Variants in CYFIP1 observed in about 807,000 individuals in gnomAD.
CYFIP1 encodes cytoplasmic FMR1-interacting protein 1.
Under a neutral mutation model 163.5 loss-of-function variants are expected in CYFIP1, and 58 were observed. That is an observed-to-expected ratio of 0.35 (90% CI 0.29 to 0.44). The LOEUF is 0.44. CYFIP1 is among the 20% of genes least tolerant of loss of function. The pLI is 1.00. For synonymous variants in CYFIP1, 663 were observed against 660.7 expected, an observed-to-expected ratio of 1.00 and a Z score of -0.05; for missense variants, 1,338 against 1,653.8, an observed-to-expected ratio of 0.81 and a Z score of 3.31.
chr15:22,930,671 G>A (rs7171812), intron 11 of CYFIP1, among the ~76,000 whole-genome samples: 69,747 of 151,772 alleles, frequency 0.46, 16,396 homozygotes, highest in Middle Eastern at 0.63. Context: ...AAAACTTTTT[G>A]GTAGAAAAAT....
chr15:22,964,074 T>C (rs1322802218), intron 1 of CYFIP1, among the ~76,000 whole-genome samples: 2 of 152,038 alleles, frequency 1.3e-5, no homozygotes, highest in African/African-American at 4.8e-5. Context: ...ATATATTTAC[T>C]GCATACAATC....
chr15:22,951,921 A>G (rs1394820022), intron 1 of CYFIP1, among the ~76,000 whole-genome samples: 3 of 115,182 alleles, frequency 2.6e-5, no homozygotes, highest in African/African-American at 6.4e-5. Flanking sequence ...GAACCCACGG[A>G]AAAACACCAG....
intron 10 of CYFIP1, 69 bp from the exon 11 acceptor site, chr15:22,932,409 G>A: frequency 9.1e-7 from 1 of 1,094,050 alleles, no homozygotes; most frequent in East Asian, 2.9e-5. Flanking sequence ...GGGCAGCTCA[G>A]GACGCCTGTT....
intron 8 of CYFIP1, among the ~76,000 whole-genome samples, chr15:22,938,579 T>C (rs181796172): frequency 1.3e-4 from 19 of 151,774 alleles, no homozygotes; most frequent in African/African-American, 3.9e-4. Flanking sequence ...CACTGGAGCC[T>C]GGGTGAAAGA....
intron 17 of CYFIP1, among the ~76,000 whole-genome samples, chr15:22,913,700 G>A (rs551778599): frequency 1.1e-4 from 16 of 149,944 alleles, no homozygotes; most frequent in Non-Finnish European, 2.1e-4. Context: ...TTGAAGGCCC[G>A]TCTCCCACTA....
chr15:22,872,999 G>A lies in CYFIP1; in HGVS notation c.3450-27C>T, dbSNP rs772058574. On this transcript the variant is annotated intron_variant, in intron 29 of 30. Transcript: ENST00000617928. ...TAGGAACAAGAAGCAGAAACAGAAT[G>A]GGAGATGAGTGATACGTTATGAAGT... 1.9e-6 allele frequency: 3 copies of A among 1,611,456 alleles called. No homozygotes were observed. The South Asian group carries it at 3.3e-5, about 18-fold the overall frequency.
rs1225447183 is a variant in CYFIP1 at position 22,934,452 on chromosome 15, T to C, written c.901-559A>G. 2.1e-5 allele frequency among the ~76,000 whole-genome samples: 3 copies of C among 143,948 alleles called. No homozygotes were observed. In the East Asian group the frequency reaches 6.3e-4, roughly 30 times the overall value. 94.4% of individuals were successfully genotyped at this position (143,948 alleles called of 152,430 possible). On this transcript the variant is annotated intron_variant, in intron 9 of 30. Coordinates refer to ENST00000617928, the MANE Select transcript of CYFIP1 (RefSeq NM_014608.6). ...TACCCACCTCAGCCTCCCAAAGTGC[T>C]GGGATTACAGGCGTGAACCACCGCA...
intron 22 of CYFIP1, among the ~76,000 whole-genome samples, chr15:22,899,122 GC>G (rs1248655487): frequency 5.3e-5 from 8 of 152,124 alleles, no homozygotes; most frequent in African/African-American, 1.9e-4. Context: ...ACAGGTGTGA[GC>G]CACTGCACCC....
intron 8 of CYFIP1, among the ~76,000 whole-genome samples, chr15:22,937,596 CTT>C (rs919893437): frequency 3.5e-5 from 5 of 143,746 alleles, no homozygotes; most frequent in Non-Finnish European, 7.7e-5. Flanking sequence ...ACTAAAAATT[CTT>C]TTTTTGTTTT....
intron 6 of CYFIP1, among the ~76,000 whole-genome samples, chr15:22,940,718 TG>T (rs2061869222): frequency 2.0e-5 from 3 of 152,254 alleles, no homozygotes; most frequent in Admixed American, 1.3e-4. Flanking sequence ...TAATATTAAC[TG>T]ATACAGTAAC....
chr15:22,953,515 T>G (rs1336261459), intron 1 of CYFIP1, among the ~76,000 whole-genome samples: 2 of 152,052 alleles, frequency 1.3e-5, no homozygotes, highest in Admixed American at 6.6e-5. Flanking sequence ...AGCACCAGCA[T>G]CCAGCACAGC....
chr15:22,874,489 C>T, intron 28 of CYFIP1, 61 bp downstream of exon 28: 1 of 1,351,668 alleles, frequency 7.4e-7, no homozygotes. Context: ...CCCAACCAGG[C>T]CACCTGGCCT....
intron 13 of CYFIP1, among the ~76,000 whole-genome samples, chr15:22,921,784 A>C (rs72698041): frequency 1.3e-4 from 18 of 142,218 alleles, no homozygotes; most frequent in East Asian, 2.1e-4. Flanking sequence ...AAAAAAAAAA[A>C]AGAAGCACGA....
chr15:22,927,552 G>A (rs1471765028), intron 12 of CYFIP1, among the ~76,000 whole-genome samples: 1 of 151,606 alleles, frequency 6.6e-6, no homozygotes, highest in Non-Finnish European at 1.5e-5. Flanking sequence ...AGCAACTTGG[G>A]AGGCTGAGGC....
At chr15:22,944,238 C>CAAAAAAAAAAAAAAAAAAAAAA (rs34662161) in intron 5 of CYFIP1, among the ~76,000 whole-genome samples, 1 of 94,982 alleles carries the variant, frequency 1.1e-5, no homozygotes, top group Non-Finnish European at 2.0e-5. Flanking sequence ...GACTCTGTCT[C>CAAAAAAAAAAAAAAAAAAAAAA]AAAAAAAAAA....
rs1037502905 is a variant in CYFIP1 at position 22,917,112 on chromosome 15, G to A, written c.1675-482C>T. 39 of 1,453,542 alleles carry A rather than the reference G, an allele frequency of 2.7e-5. No homozygotes were observed. The highest frequency in any genetic ancestry group is 2.9e-5 in the South Asian group (2 of 68,406). 90.0% of individuals were successfully genotyped at this position (1,453,542 alleles called of 1,614,324 possible). On this transcript the variant is annotated intron_variant, in intron 15 of 30. Transcript: ENST00000617928. The surrounding 1 kb of genome is among the most constrained non-coding windows in gnomAD (Gnocchi z 4.2). The stretch of plus-strand genomic sequence containing the variant: ...CACACCCCAGGCAGGGACACGGGAC[G>A]CACGCAGAGGGAGGCAGGGAGGGTG...
intron 22 of CYFIP1, among the ~76,000 whole-genome samples, chr15:22,897,425 A>AT (rs1053761946): frequency 2.0e-5 from 3 of 151,676 alleles, no homozygotes; most frequent in Non-Finnish European, 4.4e-5. Context: ...AGGGATGGGC[A>AT]TAATTCAGTA....
rs371607573 is a variant in CYFIP1, at chr15:22,870,165, G to A, written c.3625C>T (p.Arg1209Cys). ...TCATCATTGAGAATCTGGAACTTGC[G>A]AATTCTCTCCACCATCTTCTTCAAA... Reference protein sequence around the residue: ...VPLKKMVERIRKFQILNDEII... With the variant: ...VPLKKMVERICKFQILNDEII... Residue 1209 changes from arginine to cysteine, a missense_variant, in exon 31 of 31, where the codon CGC becomes TGC. Coordinates refer to ENST00000617928, the MANE Select transcript of CYFIP1 (RefSeq NM_014608.6). 170 of 1,610,016 alleles carry A rather than the reference G, an allele frequency of 1.1e-4. 1 individual carries two copies. The highest frequency in any genetic ancestry group is 1.7e-4 in the Middle Eastern group (1 of 6,050).
chr15:22,867,166 T>C lies in CYFIP1; in HGVS notation c.*2862A>G, dbSNP rs1158272879. On this transcript the variant is annotated 3_prime_UTR_variant, in exon 31 of 31. Transcript: ENST00000617928. ...TGAAAATGCTTTATTTTTTCATTGG[T>C]GATGAAAGTCTGAAATGTGCATTTG... 2 of 446,730 alleles carry C rather than the reference T, an allele frequency of 4.5e-6. No homozygotes were observed. Among genetic ancestry groups the C allele is most frequent in the Non-Finnish European group, 7.8e-6 (2 of 255,946 alleles). The allele number at this position is 446,730 out of a possible 1,614,324, so 27.7% of individuals were successfully genotyped here. A position where few individuals can be genotyped will look rare whatever the true frequency, so the allele number is the denominator to read the frequency against.
Sources: gnomAD v4.1 joint callset for allele counts (sites outside exome capture counted in the v4.1 genomes callset) on GRCh38, gnomAD v4.1.1 for gene constraint, Gnocchi (gnomAD v3.1) non-coding constraint, MANE v1.5 for transcripts, NCBI Gene and HGNC (gene_info 2026-07-23, HGNC 2026-07-21) for gene names.